Variants in PPP2R5E observed in about 807,000 individuals in gnomAD.
The protein encoded by PPP2R5E is serine/threonine-protein phosphatase 2A 56 kDa regulatory subunit epsilon isoform.
PPP2R5E carries 4 observed loss-of-function variants against 65.3 expected under a neutral mutation model. That is an observed-to-expected ratio of 0.06 (90% CI 0.03 to 0.14). The LOEUF (loss-of-function observed/expected upper bound fraction) is 0.14. Among genes scored for constraint, PPP2R5E ranks in the 10% least tolerant of loss-of-function variants. The pLI is 1.00. For synonymous variants in PPP2R5E, 183 were observed against 187.4 expected (o/e 0.98, Z 0.19); for missense variants, 274 against 556.1 (o/e 0.49, Z 5.10).
intron 2 of PPP2R5E, among the ~76,000 whole-genome samples, chr14:63,503,054 CCAGTAAAG>C (rs1891973045): frequency 6.6e-6 from 1 of 152,118 alleles, no homozygotes; most frequent in Admixed American, 6.5e-5. Flanking sequence ...TGAAAGATAA[CCAGTAAAG>C]CAGTGCAATA....
At chr14:63,420,614 G>C (rs141209338) in intron 4 of PPP2R5E, among the ~76,000 whole-genome samples, 3 of 152,192 alleles carry the variant, frequency 2.0e-5, no homozygotes, top group Non-Finnish European at 4.4e-5. Flanking sequence ...AATAGCACAC[G>C]TGTGTACTTG....
chr14:63,523,508 C>T (rs899779785), intron 2 of PPP2R5E, among the ~76,000 whole-genome samples: 8 of 151,996 alleles, frequency 5.3e-5, no homozygotes, highest in Non-Finnish European at 5.9e-5. Flanking sequence ...TGCTTGAAGG[C>T]AGCATGCTCG....
At chr14:63,378,903 C>A (rs1453447570) in intron 13 of PPP2R5E, among the ~76,000 whole-genome samples, 1 of 152,140 alleles carries the variant, frequency 6.6e-6, no homozygotes, top group Admixed American at 6.5e-5. Flanking sequence ...TCTGACAGTA[C>A]CAACTAAATT....
chr14:63,530,226 G>GTTTTTTTT (rs555112537), intron 2 of PPP2R5E, among the ~76,000 whole-genome samples: 18 of 99,482 alleles, frequency 1.8e-4, no homozygotes, highest in African/African-American at 2.9e-4. Flanking sequence ...AAATTTTTCC[G>GTTTTTTTT]TTTTTTTTTT....
chr14:63,479,417 G>A (rs1231232314), intron 2 of PPP2R5E: 1 of 152,056 alleles, frequency 6.6e-6, no homozygotes, highest in Non-Finnish European at 1.5e-5. Context: ...CACATTTACA[G>A]TAAAAAAAAT....
chr14:63,468,921 C>G (rs1889974100), intron 2 of PPP2R5E, among the ~76,000 whole-genome samples: 3 of 152,262 alleles, frequency 2.0e-5, no homozygotes, highest in Non-Finnish European at 4.4e-5. Flanking sequence ...TCCCCACACA[C>G]TCTGTTATTT....
At chr14:63,509,398 C>G (rs1302173078) in intron 2 of PPP2R5E, among the ~76,000 whole-genome samples, 3 of 151,258 alleles carry the variant, frequency 2.0e-5, no homozygotes, top group African/African-American at 7.3e-5. Context: ...CTTGGCCTCC[C>G]AAGTAGCTGG....
At chr14:63,395,401 AGG>A in intron 6 of PPP2R5E, 116 bp from the exon 7 acceptor site, 4 of 346,846 alleles carry the variant, frequency 1.2e-5, no homozygotes, top group Admixed American at 4.0e-5. Context: ...GAGGAGGAGG[AGG>A]AGAGCGGGGA....
intron 3 of PPP2R5E, chr14:63,452,503 G>T (rs1485343553): frequency 6.6e-6 from 1 of 152,146 alleles, no homozygotes; most frequent in East Asian, 1.9e-4. Context: ...TCTAGACACT[G>T]ACAAATGTCC....
rs533076615 is a variant in PPP2R5E, at chr14:63,395,140, C to G, written c.740+86G>C. 24 of 1,084,860 alleles carry G rather than the reference C, an allele frequency of 2.2e-5. No individual in the cohort carries two copies. In the Admixed American group the frequency reaches 4.0e-4, roughly 18 times the overall value. The allele number at this position is 1,084,860 out of a possible 1,614,324, so 67.2% of individuals were successfully genotyped here. On this transcript the variant is annotated intron_variant, in intron 7 of 13. Transcript: ENST00000337537. ...ACCCAATGTACATACAGCAAGAGAA[C>G]TAGGTGAGCATCTCTTGGTGCCACC...
At chr14:63,416,361 T>C (rs1480285533) in intron 4 of PPP2R5E, among the ~76,000 whole-genome samples, 1 of 152,218 alleles carries the variant, frequency 6.6e-6, no homozygotes, top group Non-Finnish European at 1.5e-5. Flanking sequence ...CTCTTTTCCT[T>C]ACTAACTGTG....
At position 63,375,769 on chromosome 14, in the gene PPP2R5E, G is replaced by A. The variant is rs998191325; in HGVS notation, c.*240C>T. On this transcript the variant is annotated 3_prime_UTR_variant, in exon 14 of 14. Coordinates refer to ENST00000337537, the MANE Select transcript of PPP2R5E (RefSeq NM_006246.5). Reference sequence around the variant, plus strand: ...GACCGATTTTTTTTTTTAAAAGAGGGTGAGAACAATGATTATGTTTGCAAA... The same window carrying A: ...GACCGATTTTTTTTTTTAAAAGAGGATGAGAACAATGATTATGTTTGCAAA... 4 of 302,478 alleles carry A rather than the reference G, an allele frequency of 1.3e-5. No individual in the cohort carries two copies. The highest frequency in any genetic ancestry group is 1.8e-5 in the Non-Finnish European group (3 of 165,088). 18.7% of individuals were successfully genotyped at this position (302,478 alleles called of 1,614,324 possible).
chr14:63,473,917 G>A (rs111568345), intron 2 of PPP2R5E, among the ~76,000 whole-genome samples: 4,438 of 152,226 alleles, frequency 0.029, 186 homozygotes, highest in African/African-American at 0.097. Flanking sequence ...ATTTAATTCC[G>A]GATTCAGTAA....
intron 2 of PPP2R5E, among the ~76,000 whole-genome samples, chr14:63,477,618 T>TA (rs1890473764): frequency 6.6e-6 from 1 of 152,104 alleles, no homozygotes; most frequent in Non-Finnish European, 1.5e-5. Context: ...ATATTGCCTA[T>TA]AAAACTTAAT....
chr14:63,424,644 G>A (rs1472117444), intron 3 of PPP2R5E, among the ~76,000 whole-genome samples: 5 of 151,738 alleles, frequency 3.3e-5, no homozygotes, highest in East Asian at 1.9e-4. Flanking sequence ...CCAGCTACTC[G>A]GGAGGCTGAG....
intron 3 of PPP2R5E, among the ~76,000 whole-genome samples, chr14:63,424,469 C>G (rs1887216867): frequency 6.6e-6 from 1 of 151,920 alleles, no homozygotes; most frequent in Non-Finnish European, 1.5e-5. Context: ...GAGAAAGGGT[C>G]GGCCGGGCGC....
chr14:63,511,388 C>A (rs765557074), intron 2 of PPP2R5E, among the ~76,000 whole-genome samples: 64 of 152,162 alleles, frequency 4.2e-4, no homozygotes, highest in Non-Finnish European at 4.1e-4. Flanking sequence ...CCCTTGCCAA[C>A]CGTCATGTAT....
chr14:63,419,281 G>C (rs974545958), intron 4 of PPP2R5E, among the ~76,000 whole-genome samples: 1 of 152,116 alleles, frequency 6.6e-6, no homozygotes, highest in Admixed American at 6.5e-5. Flanking sequence ...ACCTCCTCCC[G>C]TCAGGTATTT....
At chr14:63,419,699 G>GA in intron 4 of PPP2R5E, among the ~76,000 whole-genome samples, 1 of 151,974 alleles carries the variant, frequency 6.6e-6, no homozygotes, top group East Asian at 2.0e-4. Context: ...GTTGATTTAC[G>GA]AATTTTAAAA....
Sources: gnomAD v4.1 joint callset for allele counts (sites outside exome capture counted in the v4.1 genomes callset) on GRCh38, gnomAD v4.1.1 for gene constraint, MANE v1.5 for transcripts, NCBI Gene and HGNC (gene_info 2026-07-23, HGNC 2026-07-21) for gene names.